Variants in COL25A1 observed in about 807,000 individuals in gnomAD.
COL25A1 encodes the protein collagen alpha-1(XXV) chain.
A neutral mutation model predicts 128.4 loss-of-function variants in COL25A1; 103 were observed. The ratio of observed to expected loss-of-function variants is 0.80; its 90% CI spans 0.68 to 0.94. COL25A1 has a LOEUF of 0.94. Ranked by LOEUF, COL25A1 falls within the 40% of genes least tolerant of loss-of-function variation. COL25A1 has a pLI of 0.00. For missense variants in COL25A1, 745 were observed against 840.0 expected (o/e 0.89, Z 1.40); for synonymous variants, 279 against 277.2 (o/e 1.01, Z -0.06).
intron 18 of COL25A1, among the ~76,000 whole-genome samples, chr4:108,887,357 G>A (rs1442923519): frequency 6.6e-6 from 1 of 152,156 alleles, no homozygotes; most frequent in East Asian, 1.9e-4. Context: ...AAGCGATTCT[G>A]TACTCAGTTC....
intron 6 of COL25A1, among the ~76,000 whole-genome samples, chr4:108,976,319 C>A (rs1752439343): frequency 6.6e-6 from 1 of 152,066 alleles, no homozygotes; most frequent in Admixed American, 6.6e-5. Flanking sequence ...TCAAATTAAC[C>A]AAACACCATT....
chr4:108,966,309 T>A (rs565990608), intron 8 of COL25A1, among the ~76,000 whole-genome samples: 1 of 152,312 alleles, frequency 6.6e-6, no homozygotes, highest in Admixed American at 6.5e-5. Context: ...ACTGAGTCTA[T>A]CATAATTACA....
intron 3 of COL25A1, among the ~76,000 whole-genome samples, chr4:109,275,243 G>C (rs888581436): frequency 3.9e-5 from 6 of 152,168 alleles, no homozygotes; most frequent in African/African-American, 7.2e-5. Flanking sequence ...ATTGTGTATT[G>C]TGTATGATCT....
At chr4:108,844,471 G>A (rs1734840867) in intron 30 of COL25A1, 48 bp downstream of exon 30, 3 of 1,613,990 alleles carry the variant, frequency 1.9e-6, no homozygotes, top group Non-Finnish European at 2.5e-6. Context: ...CTCTCTAGCA[G>A]CATGCTCATA....
At chr4:109,270,339 A>G (rs1435583918) in intron 3 of COL25A1, among the ~76,000 whole-genome samples, 1 of 152,234 alleles carries the variant, frequency 6.6e-6, no homozygotes, top group Non-Finnish European at 1.5e-5. Flanking sequence ...TCAGCCCAAA[A>G]TCTCCTTAAG....
At chr4:109,118,676 C>T (rs868345175) in intron 3 of COL25A1, among the ~76,000 whole-genome samples, 77 of 151,860 alleles carry the variant, frequency 5.1e-4, no homozygotes, top group African/African-American at 1.6e-3. Flanking sequence ...TTCAAGAAGA[C>T]GAAACAAGTC....
chr4:108,835,726 T>G (rs113104655), intron 31 of COL25A1, among the ~76,000 whole-genome samples: 1,648 of 151,764 alleles, frequency 0.011, 31 homozygotes, highest in African/African-American at 0.038. Context: ...GGCTAATTTT[T>G]GTTTTTAGTA....
chr4:109,159,013 T>C (rs906006020), intron 3 of COL25A1, among the ~76,000 whole-genome samples: 1 of 152,116 alleles, frequency 6.6e-6, no homozygotes, highest in Non-Finnish European at 1.5e-5. Flanking sequence ...TGTATTTTAT[T>C]ATGACTAAAA....
rs147668546 is a variant in COL25A1, at chr4:109,014,073, G to A, written c.421-3698C>T. Among the ~76,000 whole-genome samples, 84 of 152,264 alleles carry A rather than the reference G, an allele frequency of 5.5e-4. 1 individual carries two copies. In the East Asian group the frequency reaches 0.012, roughly 21 times the overall value. ...TGTAATTCCAGCACTTTGGGAGGCC[G>A]AGGTGGGCGGTTCACTTGAGGTCAG... On this transcript the variant is annotated intron_variant, in intron 5 of 37. Transcript: ENST00000399132.
At chr4:108,947,442 C>CAA (rs371935048) in intron 8 of COL25A1, among the ~76,000 whole-genome samples, 5,477 of 120,452 alleles carry the variant, frequency 0.045, 310 homozygotes, top group African/African-American at 0.15. Context: ...AACTCCGTCT[C>CAA]AAAAAAAAAA....
At chr4:109,246,039 T>TAAAAAAAATAAAAAAAAAAAAAAAAAAA (rs1780244555) in intron 3 of COL25A1, among the ~76,000 whole-genome samples, 1 of 144,296 alleles carries the variant, frequency 6.9e-6, no homozygotes, top group African/African-American at 2.7e-5. Context: ...AAAAAAAATT[T>TAAAAAAAATAAAAAAAAAAAAAAAAAAA]AAAAAACATA....
chr4:109,001,411 T>G (rs1755382777), intron 6 of COL25A1, among the ~76,000 whole-genome samples: 1 of 152,294 alleles, frequency 6.6e-6, no homozygotes, highest in Non-Finnish European at 1.5e-5. Flanking sequence ...TCTGAGATCC[T>G]GTCAGGTAGG....
intron 3 of COL25A1, among the ~76,000 whole-genome samples, chr4:109,158,094 T>C (rs1772208082): frequency 6.6e-6 from 1 of 152,244 alleles, no homozygotes; most frequent in African/African-American, 2.4e-5. Context: ...TGTATATTCC[T>C]GTAAAAAATT....
intron 3 of COL25A1, among the ~76,000 whole-genome samples, chr4:109,122,473 G>T (rs144340313): frequency 1.2e-3 from 182 of 152,116 alleles, no homozygotes; most frequent in African/African-American, 4.3e-3. Flanking sequence ...GAGGGGAATC[G>T]AGGGGAGAAG....
intron 24 of COL25A1, among the ~76,000 whole-genome samples, chr4:108,856,366 TATG>T (rs1736507646): frequency 6.6e-6 from 1 of 152,198 alleles, no homozygotes; most frequent in Admixed American, 6.6e-5. Flanking sequence ...ATATTTCTAA[TATG>T]GTATGATTAT....
chr4:108,861,188 G>A (rs1737171090), intron 22 of COL25A1, among the ~76,000 whole-genome samples: 1 of 152,172 alleles, frequency 6.6e-6, no homozygotes, highest in African/African-American at 2.4e-5. Context: ...TCAGGTAATA[G>A]AGTATCTTGA....
intron 8 of COL25A1, among the ~76,000 whole-genome samples, chr4:108,950,700 G>A (rs1749319521): frequency 6.6e-6 from 1 of 152,192 alleles, no homozygotes; most frequent in African/African-American, 2.4e-5. Flanking sequence ...GGGTTATAAG[G>A]ATTCCTGTGG....
chr4:109,047,823 C>T (rs946464578), intron 5 of COL25A1, among the ~76,000 whole-genome samples: 76 of 150,066 alleles, frequency 5.1e-4, no homozygotes, highest in African/African-American at 1.7e-3. Flanking sequence ...AGCTCCACCT[C>T]CCGGGTTCAC....
At chr4:108,962,185 CTTTTT>C (rs201713906) in intron 8 of COL25A1, among the ~76,000 whole-genome samples, 1 of 131,956 alleles carries the variant, frequency 7.6e-6, no homozygotes. Context: ...TACCTCGATT[CTTTTT>C]TTTTCTTTTT....
Sources: allele counts gnomAD v4.1 joint callset (sites outside exome capture counted in the v4.1 genomes callset), GRCh38; gene constraint gnomAD v4.1.1; transcripts MANE v1.5; gene names NCBI Gene and HGNC (gene_info 2026-07-23, HGNC 2026-07-21).